FHL2: variants seen among roughly 807,000 people sequenced by gnomAD.
The protein encoded by FHL2 is four and a half LIM domains protein 2.
A neutral mutation model predicts 32.7 loss-of-function variants in FHL2; 20 were observed. The observed-to-expected ratio is 0.61, with a 90% CI of 0.43 to 0.89. FHL2 has a LOEUF of 0.89. Ranked by LOEUF, FHL2 falls within the 40% of genes least tolerant of loss-of-function variation. The probability of loss-of-function intolerance (pLI) is 0.00; values close to 1 mark genes in which losing one functional copy is unlikely to be tolerated. For synonymous variants in FHL2, 123 were observed against 128.1 expected (o/e 0.96, Z 0.27); for missense variants, 311 against 358.6 (o/e 0.87, Z 1.07).
chr2:105,421,670 A>G (rs1684106488), intron 1 of FHL2, among the ~76,000 whole-genome samples: 1 of 152,164 alleles, frequency 6.6e-6, no homozygotes, highest in Non-Finnish European at 1.5e-5. Flanking sequence ...TGTCCTCTTT[A>G]TCAAAAGGCT....
chr2:105,429,182 C>CT (rs1299564695), intron 1 of FHL2, among the ~76,000 whole-genome samples: 1 of 152,134 alleles, frequency 6.6e-6, no homozygotes, highest in Admixed American at 6.5e-5. Context: ...TAATAAACAC[C>CT]AAAGACTTTG....
At chr2:105,431,567 T>C (rs1684432265) in intron 1 of FHL2, among the ~76,000 whole-genome samples, 1 of 152,202 alleles carries the variant, frequency 6.6e-6, no homozygotes, top group African/African-American at 2.4e-5. Flanking sequence ...GCAGTGTGAC[T>C]GGTGCCTCTC....
At chr2:105,413,860 T>C (rs1326184387) in intron 1 of FHL2, among the ~76,000 whole-genome samples, 1 of 152,204 alleles carries the variant, frequency 6.6e-6, no homozygotes, top group Admixed American at 6.5e-5. Flanking sequence ...TCCCTCCATA[T>C]ACCAAGCAAT....
intron 1 of FHL2, among the ~76,000 whole-genome samples, chr2:105,432,593 T>C (rs900764084): frequency 1.3e-5 from 2 of 151,576 alleles, no homozygotes; most frequent in African/African-American, 4.8e-5. Context: ...AAAGGAAGTT[T>C]ACAGAGTTTA....
chr2:105,381,206 C>T (rs1037941270), intron 3 of FHL2, among the ~76,000 whole-genome samples: 2 of 152,118 alleles, frequency 1.3e-5, no homozygotes, highest in South Asian at 2.1e-4. Context: ...TCATGCTCAG[C>T]GTTATGAAAA....
In FHL2 at chr2:105,361,096, C is replaced by T. The variant is rs980674894; in HGVS notation, c.*187G>A. ...CCACCTAGGGCCTAGGGCGAGTTTTCTCTTTCCCTGGGACTGAACTATCAC... is the reference window on the plus strand; with the variant it reads ...CCACCTAGGGCCTAGGGCGAGTTTTTTCTTTCCCTGGGACTGAACTATCAC... On this transcript the variant is annotated 3_prime_UTR_variant, in exon 7 of 7. Coordinates refer to ENST00000530340, the MANE Select transcript of FHL2 (RefSeq NM_001318895.3). 6 of 511,354 alleles carry T rather than the reference C, an allele frequency of 1.2e-5. No individual in the cohort carries two copies. The Admixed American group carries it at 1.9e-4, about 17-fold the overall frequency. 31.7% of individuals were successfully genotyped at this position (511,354 alleles called of 1,614,324 possible). A position where few individuals can be genotyped will look rare whatever the true frequency, so the allele number is the denominator to read the frequency against.
At chr2:105,385,869 T>A (rs1323128454) in intron 3 of FHL2, 1 of 181,012 alleles carries the variant, frequency 5.5e-6, no homozygotes, top group East Asian at 1.4e-4. Context: ...CCTGTCCTTC[T>A]CTCATTAAAG....
At chr2:105,400,204 T>C (rs1365424924), upstream of FHL2, among the ~76,000 whole-genome samples, 1 of 152,138 alleles carries the variant, frequency 6.6e-6, no homozygotes, top group African/African-American at 2.4e-5. Flanking sequence ...ACGTGAACGG[T>C]AACTGTGCCA....
chr2:105,371,546 A>ATCTCTC (rs10701119), intron 4 of FHL2, among the ~76,000 whole-genome samples: 4,733 of 140,988 alleles, frequency 0.034, 119 homozygotes, highest in African/African-American at 0.062. Flanking sequence ...ATCCCTTGAA[A>ATCTCTC]TCTCTCTCTC....
chr2:105,409,950 G>T (rs769701835), intron 1 of FHL2, among the ~76,000 whole-genome samples: 20 of 152,236 alleles, frequency 1.3e-4, no homozygotes, highest in Non-Finnish European at 2.8e-4. Flanking sequence ...CTGGAATGAA[G>T]GGACACTGCC....
chr2:105,386,484 G>A lies in FHL2; in HGVS notation c.33C>T (p.Asn11=), dbSNP rs760104483. 1.5e-5 allele frequency: 25 copies of A among 1,614,062 alleles called. No individual in the cohort carries two copies. Among genetic ancestry groups the A allele is most frequent in the East Asian group, 8.9e-5 (4 of 44,884 alleles). The part of the protein sequence containing the change: MTERFDCHHC[N]ESLFGKKYIL... ...TGTACTTCTTGCCAAAGAGAGATTC[G>A]TTGCAATGGTGGCAGTCAAAGCGCT... The change falls in exon 3 of 7, where the codon AAC becomes AAT. Residue 11 remains asparagine (N), a synonymous_variant. Transcript: ENST00000530340.
At chr2:105,420,429 G>T (rs1333074552) in intron 1 of FHL2, among the ~76,000 whole-genome samples, 1 of 152,002 alleles carries the variant, frequency 6.6e-6, no homozygotes, top group African/African-American at 2.4e-5. Flanking sequence ...CTAATTACTC[G>T]GTAACAACCC....
chr2:105,427,251 G>A (rs905728753), intron 1 of FHL2, among the ~76,000 whole-genome samples: 2 of 152,106 alleles, frequency 1.3e-5, no homozygotes, highest in African/African-American at 4.8e-5. Context: ...ATTCTGGAAA[G>A]AATTTCTTAC....
intron 4 of FHL2, 140 bp from the exon 5 acceptor site, chr2:105,367,879 A>G (rs559066344): frequency 4.3e-5 from 32 of 748,738 alleles, no homozygotes; most frequent in South Asian, 2.0e-5. Flanking sequence ...TCGCCTCTAC[A>G]TGGAGGTAAT....
rs536715218 is a variant in FHL2, at chr2:105,386,507, G to T, written c.10C>A (p.Arg4Ser). 21 of 1,614,012 alleles carry T rather than the reference G, an allele frequency of 1.3e-5. No individual in the cohort carries two copies. Among genetic ancestry groups the T allele is most frequent in the Non-Finnish European group, 1.8e-5 (21 of 1,180,016 alleles). The change falls in exon 3 of 7, where the codon CGC becomes AGC. Residue 4 changes from arginine to serine, a missense_variant. Arg to Ser is a moderately radical substitution (Grantham distance 110). Transcript: ENST00000530340. MTERFDCHHCNESL... is the reference protein window; with the variant it reads MTESFDCHHCNESL... ...TCGTTGCAATGGTGGCAGTCAAAGC[G>T]CTCAGTCATTTTGACTCCTGGCTTT...
At chr2:105,415,677 C>A (rs181671511) in intron 1 of FHL2, among the ~76,000 whole-genome samples, 2 of 152,016 alleles carry the variant, frequency 1.3e-5, no homozygotes, top group African/African-American at 4.8e-5. Flanking sequence ...TGGGAAACAG[C>A]CTGAAGAAAA....
chr2:105,362,812 A>G (rs1163725466), intron 6 of FHL2, among the ~76,000 whole-genome samples: 1 of 152,206 alleles, frequency 6.6e-6, no homozygotes, highest in East Asian at 1.9e-4. Flanking sequence ...GGGGAATACA[A>G]TATGAAAAAC....
intron 2 of FHL2, chr2:105,389,850 T>C (rs1219624544): frequency 6.6e-6 from 1 of 152,212 alleles, no homozygotes; most frequent in African/African-American, 2.4e-5. Context: ...TCTGAGGTAA[T>C]AATCGTGATC....
At chr2:105,404,065 G>A (rs140261502), upstream of FHL2, among the ~76,000 whole-genome samples, 1 of 152,328 alleles carries the variant, frequency 6.6e-6, no homozygotes, top group African/African-American at 2.4e-5. Flanking sequence ...CTCCTACCCG[G>A]ATGGGGGCTA....
Sources: gnomAD v4.1 joint callset for allele counts (sites outside exome capture counted in the v4.1 genomes callset) on GRCh38, gnomAD v4.1.1 for gene constraint, MANE v1.5 for transcripts, NCBI Gene and HGNC (gene_info 2026-07-23, HGNC 2026-07-21) for gene names.